The following MYL4 variants were observed in gnomAD, a reference collection of about 807,000 sequenced individuals.
MYL4 encodes atrial myosin light chain 1.
Under a neutral mutation model 21.6 loss-of-function variants are expected in MYL4, and 16 were observed. That is an observed-to-expected ratio of 0.74 (90% confidence interval 0.50 to 1.12). The LOEUF (loss-of-function observed/expected upper bound fraction) is 1.12. Ranked by LOEUF, MYL4 falls within the 50% of genes most tolerant of loss-of-function variation. The pLI is 0.00. For synonymous variants in MYL4, 82 were observed against 95.7 expected, an observed-to-expected ratio of 0.86 and a Z score of 0.83; for missense variants, 249 against 252.9, an observed-to-expected ratio of 0.98 and a Z score of 0.11.
rs370578383 is a variant in MYL4, at chr17:47,209,420, A to C, written c.-3A>C. ...CCTCTGCCAAAGATCCCAACAAGAC[A>C]ACATGGCTCCCAAGAAGCCTGAGCC... On this transcript the variant is annotated 5_prime_UTR_variant, in exon 1 of 7. Coordinates refer to ENST00000393450, the MANE Select transcript of MYL4 (RefSeq NM_002476.2). 178 of 1,614,070 alleles carry C rather than the reference A, an allele frequency of 1.1e-4. No homozygotes were observed. The highest frequency in any genetic ancestry group is 1.4e-4 in the Non-Finnish European group (165 of 1,180,044).
chr17:47,218,773 C>T (rs560120868), intron 2 of MYL4, among the ~76,000 whole-genome samples: 2 of 152,052 alleles, frequency 1.3e-5, no homozygotes, highest in Non-Finnish European at 2.9e-5. Context: ...GGTGACAGAG[C>T]GAGACTCTGT....
chr17:47,220,425 C>T (rs539254283), intron 3 of MYL4, among the ~76,000 whole-genome samples: 5 of 152,304 alleles, frequency 3.3e-5, no homozygotes, highest in African/African-American at 1.2e-4. Flanking sequence ...GTCACAGCAC[C>T]GAGGTATCCT....
intron 2 of MYL4, among the ~76,000 whole-genome samples, chr17:47,215,270 A>C (rs2064805577): frequency 6.6e-6 from 1 of 152,230 alleles, no homozygotes; most frequent in Non-Finnish European, 1.5e-5. Context: ...ACTAGTGAGG[A>C]CTGGAAAATC....
At chr17:47,196,445 A>G (rs1431014748), upstream of MYL4, among the ~76,000 whole-genome samples, 1 of 152,178 alleles carries the variant, frequency 6.6e-6, no homozygotes, top group Non-Finnish European at 1.5e-5. Flanking sequence ...TATTCTGTTT[A>G]TGTCTTGTCT....
At chr17:47,194,002 G>A in the MYL4 span, among the ~76,000 whole-genome samples, 3 of 152,188 alleles carry the variant, frequency 2.0e-5, no homozygotes, top group East Asian at 5.8e-4. Flanking sequence ...CACCCACCTT[G>A]GCCTCCCAAA....
chr17:47,207,538 T>A (rs1208956106), upstream of MYL4, among the ~76,000 whole-genome samples: 1 of 152,138 alleles, frequency 6.6e-6, no homozygotes, highest in African/African-American at 2.4e-5. Flanking sequence ...CACCCAGAAT[T>A]GCAGGCTTAG....
At chr17:47,209,690 C>A in intron 1 of MYL4, 133 bp downstream of exon 1, 1 of 1,357,670 alleles carries the variant, frequency 7.4e-7, no homozygotes, top group Non-Finnish European at 1.0e-6. Context: ...AGATCGCAGT[C>A]CCATGGGGCA....
At chr17:47,197,303 T>A (rs2064692781), upstream of MYL4, among the ~76,000 whole-genome samples, 1 of 152,070 alleles carries the variant, frequency 6.6e-6, no homozygotes, top group Non-Finnish European at 1.5e-5. Flanking sequence ...TTTCACCGTG[T>A]TAGCCAGGAT....
chr17:47,213,006 G>A (rs562747852), intron 1 of MYL4, among the ~76,000 whole-genome samples: 64 of 152,286 alleles, frequency 4.2e-4, no homozygotes, highest in Non-Finnish European at 7.9e-4. Context: ...ATTGAAGGGA[G>A]TGGATTTAAA....
intron 5 of MYL4, 142 bp from the exon 6 acceptor site, chr17:47,222,872 C>A: frequency 1.9e-6 from 2 of 1,031,006 alleles, no homozygotes; most frequent in Non-Finnish European, 3.0e-6. Flanking sequence ...CCCCACCAAC[C>A]CCCAAATAAG....
chr17:47,203,716 T>C (rs1946734153), intron 1 of MYL4, among the ~76,000 whole-genome samples: 1 of 152,234 alleles, frequency 6.6e-6, no homozygotes, highest in Non-Finnish European at 1.5e-5. Context: ...AGTTGTGCTA[T>C]TCAGGTGTCT....
In MYL4 at chr17:47,220,041, C is replaced by A. The variant is rs1488541522; in HGVS notation, c.301C>A (p.Pro101Thr). The part of the protein sequence containing the change: ...NAEVLRVLGK[P>T]KPEEMNVKML... ...CGAGGTGCTGCGTGTGCTGGGCAAG[C>A]CCAAGCCTGAAGGTCAGTGCGGCTG... The change falls in exon 3 of 7, where the codon CCC becomes ACC. Residue 101 changes from proline (P) to threonine (T), a missense_variant. Coordinates refer to ENST00000393450, the MANE Select transcript of MYL4 (RefSeq NM_002476.2). 6.2e-7 allele frequency: 1 copy of A among 1,613,220 alleles called. No homozygotes were observed. Among genetic ancestry groups the A allele is most frequent in the Non-Finnish European group, 8.5e-7 (1 of 1,179,528 alleles).
chr17:47,205,329 T>C (rs2064723460), upstream of MYL4, among the ~76,000 whole-genome samples: 1 of 152,110 alleles, frequency 6.6e-6, no homozygotes, highest in African/African-American at 2.4e-5. Context: ...CACTACTACA[T>C]CTCCTTCTTT....
intron 2 of MYL4, 51 bp from the exon 3 acceptor site, chr17:47,219,853 C>G (rs755739154): frequency 6.2e-7 from 1 of 1,611,750 alleles, no homozygotes; most frequent in Non-Finnish European, 8.5e-7. Flanking sequence ...TGGCCACCAG[C>G]CACCACCTTC....
intron 1 of MYL4, 97 bp downstream of exon 1, chr17:47,209,654 G>T: frequency 4.4e-6 from 7 of 1,590,886 alleles, no homozygotes; most frequent in Non-Finnish European, 5.2e-6. Flanking sequence ...GCTGGACTGG[G>T]ATGAGGACTA....
chr17:47,203,460 C>G (rs1305781230), intron 1 of MYL4, among the ~76,000 whole-genome samples: 1 of 151,956 alleles, frequency 6.6e-6, no homozygotes, highest in East Asian at 1.9e-4. Flanking sequence ...TTGGTGATTA[C>G]TTTTTCATAC....
upstream of MYL4, among the ~76,000 whole-genome samples, chr17:47,205,910 C>T (rs553872650): frequency 4.5e-4 from 69 of 152,294 alleles, no homozygotes; most frequent in African/African-American, 1.6e-3. Context: ...CCACTGTCAC[C>T]TTACCTTGTC....
At chr17:47,198,117 G>C (rs717162), upstream of MYL4, among the ~76,000 whole-genome samples, 16,376 of 152,254 alleles carry the variant, frequency 0.11, 962 homozygotes, top group South Asian at 0.2. Flanking sequence ...TAGGGGCTAG[G>C]AATGCAGCAG....
chr17:47,192,311 G>A, the MYL4 span, among the ~76,000 whole-genome samples: 2 of 149,414 alleles, frequency 1.3e-5, no homozygotes, highest in South Asian at 2.1e-4. Context: ...CTGAGATTGC[G>A]CCATTGTTCT....
Sources: allele counts gnomAD v4.1 joint callset (sites outside exome capture counted in the v4.1 genomes callset), GRCh38; gene constraint gnomAD v4.1.1; transcripts MANE v1.5; gene names NCBI Gene and HGNC (gene_info 2026-07-23, HGNC 2026-07-21).